The following CTNNA2 variants were observed in gnomAD, a reference collection of about 807,000 sequenced individuals.
CTNNA2 encodes catenin alpha 2.
A neutral mutation model predicts 101.0 loss-of-function variants in CTNNA2; 42 were observed. The ratio of observed to expected loss-of-function variants is 0.42; its 90% CI spans 0.32 to 0.54. CTNNA2 has a LOEUF of 0.54. Ranked by LOEUF, CTNNA2 falls within the 20% of genes least tolerant of loss-of-function variation. CTNNA2 has a pLI of 0.14. For missense variants in CTNNA2, 871 were observed against 1,223.1 expected (o/e 0.71, Z 4.29); for synonymous variants, 450 against 456.4 (o/e 0.99, Z 0.18).
In CTNNA2 at chr2:80,302,638, G is replaced by T. The variant is rs1361198566; in HGVS notation, c.1057-90573G>T. The T allele has an allele frequency of 6.2e-7, 1 of 1,607,496 alleles. No homozygotes were observed. Among genetic ancestry groups the T allele is most frequent in the Non-Finnish European group, 8.5e-7 (1 of 1,178,418 alleles). ...CGTGCTGCCCCTCCCCGCCGTCCGC[G>T]AGCGTGGTGGCCGAGCTGGCAGGGG... On this transcript the variant is annotated intron_variant, in intron 7 of 18. Coordinates refer to ENST00000402739, the MANE Select transcript of CTNNA2 (RefSeq NM_001282597.3). This position sits in a 1 kb window ranked among gnomAD's most constrained non-coding sequence, Gnocchi z 6.4.
intron 2 of CTNNA2, among the ~76,000 whole-genome samples, chr2:79,270,942 A>T (rs1199408128): frequency 6.6e-6 from 1 of 152,046 alleles, no homozygotes; most frequent in Admixed American, 6.6e-5. Context: ...TTAAAAAAAA[A>T]TGAGGAAACA....
chr2:79,904,316 C>T (rs1685269635), intron 6 of CTNNA2, among the ~76,000 whole-genome samples: 1 of 152,030 alleles, frequency 6.6e-6, no homozygotes, highest in Non-Finnish European at 1.5e-5. Flanking sequence ...TCTTAGACTC[C>T]TACAGTAACT....
rs1394170186 is a variant in CTNNA2, at chr2:79,699,849, ATG to A, written c.103-44536_103-44535del. Among the ~76,000 whole-genome samples the A allele has an allele frequency of 5.4e-5, 8 of 148,004 alleles. No homozygotes were observed. In the East Asian group the frequency reaches 1.6e-3, roughly 29 times the overall value. ...CACACACACGTGTGTGTATATATAT[ATG>A]TATTTATATACATATGTGTGTATAT... is the stretch of plus-strand genomic sequence containing the variant. On this transcript the variant is annotated intron_variant, in intron 2 of 18. Transcript: ENST00000402739.
chr2:80,276,520 C>T (rs929458887), intron 7 of CTNNA2, among the ~76,000 whole-genome samples: 1 of 152,154 alleles, frequency 6.6e-6, no homozygotes, highest in African/African-American at 2.4e-5. Context: ...TATGATTCTG[C>T]AGACTCTATA....
intron 1 of CTNNA2, among the ~76,000 whole-genome samples, chr2:79,605,363 A>T (rs908847919): frequency 2.6e-5 from 4 of 152,212 alleles, no homozygotes; most frequent in African/African-American, 9.6e-5. Flanking sequence ...AATGTCAACT[A>T]GCATAAAAAA....
At chr2:79,378,674 A>G (rs1678005514) in intron 4 of CTNNA2, among the ~76,000 whole-genome samples, 1 of 152,176 alleles carries the variant, frequency 6.6e-6, no homozygotes, top group African/African-American at 2.4e-5. Flanking sequence ...CTGAACTTTT[A>G]CTTAGAGGTG....
intron 7 of CTNNA2, among the ~76,000 whole-genome samples, chr2:80,022,573 G>A (rs1396563148): frequency 2.0e-5 from 3 of 152,080 alleles, no homozygotes; most frequent in East Asian, 1.9e-4. Context: ...AGACCAGCTT[G>A]GGCAACATAG....
chr2:80,603,436 A>C (rs1697728037), intron 15 of CTNNA2: 1 of 152,090 alleles, frequency 6.6e-6, no homozygotes, highest in South Asian at 2.1e-4. Flanking sequence ...TCAGTATCGG[A>C]AGCCCACAGG....
intron 9 of CTNNA2, among the ~76,000 whole-genome samples, chr2:80,458,013 C>T (rs1684124012): frequency 6.6e-6 from 1 of 152,138 alleles, no homozygotes; most frequent in African/African-American, 2.4e-5. Context: ...CCTTCTAGAG[C>T]TGAAGTTAGG....
intron 3 of CTNNA2, among the ~76,000 whole-genome samples, chr2:79,748,567 T>C (rs1189568163): frequency 6.6e-6 from 1 of 152,150 alleles, no homozygotes; most frequent in Non-Finnish European, 1.5e-5. Flanking sequence ...AGTTTTCATA[T>C]TGTACATGTC....
chr2:79,990,223 A>G (rs1302705110), intron 7 of CTNNA2, among the ~76,000 whole-genome samples: 1 of 152,138 alleles, frequency 6.6e-6, no homozygotes, highest in Admixed American at 6.5e-5. Context: ...GGGAACAATG[A>G]CTGCAGAATC....
intron 7 of CTNNA2, among the ~76,000 whole-genome samples, chr2:80,182,322 A>G (rs1705836001): frequency 6.6e-6 from 1 of 152,026 alleles, no homozygotes; most frequent in East Asian, 1.9e-4. Context: ...AGGCCAGAAG[A>G]CTCAGTCAGT....
At chr2:79,982,897 A>ACT (rs544067824) in intron 7 of CTNNA2, among the ~76,000 whole-genome samples, 1 of 151,952 alleles carries the variant, frequency 6.6e-6, no homozygotes, top group Non-Finnish European at 1.5e-5. Context: ...TAAAGGAATA[A>ACT]CTCTCTCTCT....
chr2:80,375,240 C>T (rs80049510), intron 7 of CTNNA2, among the ~76,000 whole-genome samples: 6,165 of 152,150 alleles, frequency 0.041, 422 homozygotes, highest in African/African-American at 0.14. Context: ...GGGATAGCCT[C>T]GGGAAAGGCA....
At chr2:80,415,656 CAA>C (rs1229109768) in intron 8 of CTNNA2, among the ~76,000 whole-genome samples, 1 of 151,988 alleles carries the variant, frequency 6.6e-6, no homozygotes, top group Non-Finnish European at 1.5e-5. Context: ...GGAGGTGCCT[CAA>C]AAAATTAAAA....
At chr2:80,398,799 G>A (rs2149376023) in intron 8 of CTNNA2, among the ~76,000 whole-genome samples, 1 of 151,404 alleles carries the variant, frequency 6.6e-6, no homozygotes, top group South Asian at 2.1e-4. Context: ...CCCAGGAGGT[G>A]GAGGTTGCAG....
chr2:79,368,808 C>G (rs1179701203), intron 3 of CTNNA2, among the ~76,000 whole-genome samples: 1 of 152,198 alleles, frequency 6.6e-6, no homozygotes, highest in Non-Finnish European at 1.5e-5. Context: ...GAAATTAAAG[C>G]TTTTTATCCA....
At chr2:80,211,632 G>C (rs895964284) in intron 7 of CTNNA2, among the ~76,000 whole-genome samples, 1 of 152,166 alleles carries the variant, frequency 6.6e-6, no homozygotes, top group African/African-American at 2.4e-5. Context: ...TTGTAGTATA[G>C]TTTGAAGTCA....
chr2:79,976,228 A>G (rs180871068), intron 7 of CTNNA2, among the ~76,000 whole-genome samples: 1 of 152,306 alleles, frequency 6.6e-6, no homozygotes, highest in African/African-American at 2.4e-5. Context: ...ATTCCATTTA[A>G]ATATAATTAA....
Sources: gnomAD v4.1 joint callset for allele counts (sites outside exome capture counted in the v4.1 genomes callset) on GRCh38, gnomAD v4.1.1 for gene constraint, Gnocchi (gnomAD v3.1) non-coding constraint, MANE v1.5 for transcripts, NCBI Gene and HGNC (gene_info 2026-07-23, HGNC 2026-07-21) for gene names.